The following TRIM4 variants were observed in gnomAD, a reference collection of about 807,000 sequenced individuals.
TRIM4 encodes E3 ubiquitin-protein ligase TRIM4.
TRIM4 carries 29 observed loss-of-function variants against 33.7 expected under a neutral mutation model. The observed-to-expected ratio is 0.86, with a 90% CI of 0.64 to 1.17. The LOEUF (loss-of-function observed/expected upper bound fraction) is 1.17, where lower values mean the gene tolerates loss of function less well. Ranked by LOEUF, TRIM4 falls within the 50% of genes most tolerant of loss-of-function variation. TRIM4 has a pLI of 0.00. For synonymous variants in TRIM4, 224 were observed against 233.0 expected (o/e 0.96, Z 0.35); for missense variants, 554 against 593.7 (o/e 0.93, Z 0.69).
intron 3 of TRIM4, among the ~76,000 whole-genome samples, chr7:99,904,051 T>C (rs949772363): frequency 6.6e-6 from 1 of 152,196 alleles, no homozygotes; most frequent in African/African-American, 2.4e-5. Context: ...TACTAAACTT[T>C]ATGGAACTGA....
rs764574437 is a variant in TRIM4 at position 99,892,474 on chromosome 7, G to A, written c.1114C>T (p.Arg372Trp). 8.1e-6 allele frequency: 13 copies of A among 1,613,902 alleles called. No homozygotes were observed. The highest frequency in any genetic ancestry group is 2.7e-5 in the African/African-American group (2 of 74,852). The change falls in exon 6 of 6, where the codon CGG becomes TGG. Residue 372 changes from arginine (R) to tryptophan (W), a missense_variant. Arg to Trp is a moderately radical substitution (Grantham distance 101). This residue lies in a region of TRIM4 where 290 missense variants were observed against 335.8 expected (regional missense o/e 0.86). Transcript: ENST00000349062. ...TCAGTAATTCCCATGACGTCCTCCC[G>A]ACACACCCCAACAGCAACCTCCAGA... ...DSLEVAVGVC[R>W]EDVMGITDRS... is the part of the protein sequence containing the mutation.
chr7:99,905,429 T>G (rs951759812), intron 3 of TRIM4, among the ~76,000 whole-genome samples: 9 of 152,244 alleles, frequency 5.9e-5, no homozygotes, highest in African/African-American at 2.2e-4. Flanking sequence ...CACATATTCC[T>G]GTTTTTAATA....
chr7:99,895,901 T>C (rs1348412154), intron 5 of TRIM4, among the ~76,000 whole-genome samples: 1 of 152,110 alleles, frequency 6.6e-6, no homozygotes, highest in African/African-American at 2.4e-5. Flanking sequence ...ACGTATATGG[T>C]TCTTCATATT....
At chr7:99,896,056 G>T (rs947574479) in intron 5 of TRIM4, among the ~76,000 whole-genome samples, 1 of 150,972 alleles carries the variant, frequency 6.6e-6, no homozygotes, top group East Asian at 1.9e-4. Flanking sequence ...CTATTATTTT[G>T]CTGTTTTCTA....
intron 5 of TRIM4, among the ~76,000 whole-genome samples, chr7:99,900,222 GC>G (rs1819126586): frequency 6.6e-6 from 1 of 152,216 alleles, no homozygotes; most frequent in Non-Finnish European, 1.5e-5. Context: ...GGCAGGAAGA[GC>G]CAATGCTGCA....
intron 1 of TRIM4, among the ~76,000 whole-genome samples, chr7:99,918,741 G>A (rs181613442): frequency 3.9e-5 from 6 of 152,274 alleles, no homozygotes; most frequent in African/African-American, 1.2e-4. Flanking sequence ...CACCCTCTCA[G>A]TATGTTTTTC....
Position 99,919,516 on chromosome 7 carries a change from A to G in TRIM4, c.-115T>C. ...CCGAACCGCCGTCACCGCCTCACGT[A>G]AAAGGGTACAACGCAGTTTCTCTTC... On this transcript the variant is annotated 5_prime_UTR_variant, in exon 1 of 6. Coordinates refer to ENST00000349062, the MANE Select transcript of TRIM4 (RefSeq NM_033091.3). 1 of 1,191,100 alleles carries G rather than the reference A, an allele frequency of 8.4e-7. No individual in the cohort carries two copies. The highest frequency in any genetic ancestry group is 1.1e-6 in the Non-Finnish European group (1 of 885,108). The allele number at this position is 1,191,100 out of a possible 1,614,324, so 73.8% of individuals were successfully genotyped here. A position where few individuals can be genotyped will look rare whatever the true frequency, so the allele number is the denominator to read the frequency against.
At chr7:99,894,679 A>AAAAG (rs1563082837) in intron 5 of TRIM4, among the ~76,000 whole-genome samples, 9 of 151,808 alleles carry the variant, frequency 5.9e-5, no homozygotes, top group Admixed American at 2.0e-4. Flanking sequence ...CCCCAAAAAA[A>AAAAG]AAAAGAAAAG....
chr7:99,903,690 A>G, intron 3 of TRIM4, 92 bp from the exon 4 acceptor site: 1 of 1,474,466 alleles, frequency 6.8e-7, no homozygotes, highest in South Asian at 1.2e-5. Context: ...TGACGGTTGC[A>G]TTTGCTCATG....
At chr7:99,906,583 T>A (rs1819311039) in intron 3 of TRIM4, among the ~76,000 whole-genome samples, 1 of 152,112 alleles carries the variant, frequency 6.6e-6, no homozygotes, top group African/African-American at 2.4e-5. Context: ...GGTAAAAGTA[T>A]AACTTAAATT....
At chr7:99,898,368 C>T (rs917065373) in intron 5 of TRIM4, among the ~76,000 whole-genome samples, 2 of 152,176 alleles carry the variant, frequency 1.3e-5, no homozygotes, top group Admixed American at 6.5e-5. Context: ...GTGGCTACCC[C>T]CACAGCAATG....
In TRIM4 at chr7:99,909,562, T is replaced by C; in HGVS notation, c.489+3A>G. ...AGAAATATCCAACCACTTCTGCCATTACCTTCCACTGTGTGGCGTTCTTCA... is the reference window on the plus strand; with the variant it reads ...AGAAATATCCAACCACTTCTGCCATCACCTTCCACTGTGTGGCGTTCTTCA... On this transcript the variant is annotated splice_donor_region_variant and intron_variant, in intron 2 of 5. Coordinates refer to ENST00000349062, the MANE Select transcript of TRIM4 (RefSeq NM_033091.3). 1 of 1,613,238 alleles carries C rather than the reference T, an allele frequency of 6.2e-7. No homozygotes were observed. The highest frequency in any genetic ancestry group is 8.5e-7 in the Non-Finnish European group (1 of 1,179,594).
rs1220195125 is a variant in TRIM4 at position 99,891,896 on chromosome 7, C to T, written c.*267G>A. 2.7e-6 allele frequency: 1 copy of T among 370,028 alleles called. No individual in the cohort carries two copies. Among genetic ancestry groups the T allele is most frequent in the Non-Finnish European group, 4.9e-6 (1 of 205,624 alleles). 22.9% of individuals were successfully genotyped at this position (370,028 alleles called of 1,614,324 possible). A position where few individuals can be genotyped will look rare whatever the true frequency, so the allele number is the denominator to read the frequency against. On this transcript the variant is annotated 3_prime_UTR_variant, in exon 6 of 6. Coordinates refer to ENST00000349062, the MANE Select transcript of TRIM4 (RefSeq NM_033091.3). Reference sequence around the variant, plus strand: ...AATATGGCTGCTAACATCCATATGTCTTCCCCGCACATCTCTTTAAAAGCT... The same window carrying T: ...AATATGGCTGCTAACATCCATATGTTTTCCCCGCACATCTCTTTAAAAGCT...
chr7:99,892,635 G>A lies in TRIM4; in HGVS notation c.953C>T (p.Ala318Val), dbSNP rs201510808. ...SASSWPVFSS[A>V]WNYFAGWRNP... Reference sequence around the variant, plus strand: ...CCTCCATCCAGCAAAGTAGTTCCATGCTGAAGAAAACACTGGCCAAGAACT... The same window carrying A: ...CCTCCATCCAGCAAAGTAGTTCCATACTGAAGAAAACACTGGCCAAGAACT... The change falls in exon 6 of 6, where the codon GCA (alanine) becomes GTA (valine). Residue 318 changes from alanine to valine, a missense_variant. Ala to Val is a moderately conservative substitution (Grantham distance 64). This residue lies in a region of TRIM4 where 290 missense variants were observed against 335.8 expected (regional missense o/e 0.86). Transcript: ENST00000349062. The A allele has an allele frequency of 1.5e-5, 24 of 1,614,144 alleles. No individual in the cohort carries two copies. The highest frequency in any genetic ancestry group is 1.8e-5 in the Non-Finnish European group (21 of 1,180,024).
At chr7:99,913,214 A>G (rs1417875586) in intron 1 of TRIM4, among the ~76,000 whole-genome samples, 1 of 152,192 alleles carries the variant, frequency 6.6e-6, no homozygotes, top group East Asian at 1.9e-4. Flanking sequence ...AGTTTTTTTC[A>G]ATCTGGCCAC....
intron 5 of TRIM4, among the ~76,000 whole-genome samples, chr7:99,893,041 G>A (rs111526571): frequency 9.2e-5 from 14 of 152,276 alleles, no homozygotes; most frequent in African/African-American, 2.9e-4. Flanking sequence ...TGGAGGTCAC[G>A]AGAGTGAGAC....
At chr7:99,918,928 G>A (rs1819623203) in intron 1 of TRIM4, 81 bp downstream of exon 1, 4 of 1,434,724 alleles carry the variant, frequency 2.8e-6, no homozygotes, top group South Asian at 2.7e-5. Context: ...CAGCCACTTC[G>A]TGGCTCTTTT....
chr7:99,893,832 C>G (rs1818951498), intron 5 of TRIM4, among the ~76,000 whole-genome samples: 1 of 152,110 alleles, frequency 6.6e-6, no homozygotes, highest in South Asian at 2.1e-4. Context: ...CCTGGCCTCC[C>G]TGACTCCAAA....
chr7:99,906,002 A>G (rs2527911), intron 3 of TRIM4, among the ~76,000 whole-genome samples: 98,102 of 151,576 alleles, frequency 0.65, 33,606 homozygotes, highest in African/African-American at 0.88. Flanking sequence ...AAAATTAGCC[A>G]GGTGTGGTGG....
Sources: allele counts gnomAD v4.1 joint callset (sites outside exome capture counted in the v4.1 genomes callset), GRCh38; gene constraint gnomAD v4.1.1; regional missense constraint gnomAD v4.1.1; transcripts MANE v1.5; gene names NCBI Gene and HGNC (gene_info 2026-07-23, HGNC 2026-07-21).